The following SPECC1 variants were observed in gnomAD, a reference collection of about 807,000 sequenced individuals.
SPECC1 encodes cytospin-B.
A neutral mutation model predicts 104.1 loss-of-function variants in SPECC1; 62 were observed. That is an observed-to-expected ratio of 0.60 (90% CI 0.49 to 0.74). The LOEUF is 0.74. SPECC1 is among the 30% of genes least tolerant of loss of function. SPECC1 has a pLI of 0.00. For missense variants in SPECC1, 1,306 were observed against 1,310.5 expected (o/e 1.00, Z 0.05); for synonymous variants, 513 against 501.6 (o/e 1.02, Z -0.30).
chr17:20,217,488 A>C (rs1220520101), intron 4 of SPECC1, among the ~76,000 whole-genome samples: 1 of 152,146 alleles, frequency 6.6e-6, no homozygotes, highest in Non-Finnish European at 1.5e-5. Context: ...GGCTTTGCTC[A>C]GGGTGCTCGA....
chr17:20,201,362 G>A (rs2036422401), intron 3 of SPECC1, among the ~76,000 whole-genome samples: 1 of 151,980 alleles, frequency 6.6e-6, no homozygotes, highest in South Asian at 2.1e-4. Context: ...CGCGCCTGTA[G>A]TTCCAGCTAT....
intron 5 of SPECC1, among the ~76,000 whole-genome samples, chr17:20,228,652 C>T (rs182387463): frequency 1.6e-3 from 250 of 152,284 alleles, no homozygotes; most frequent in African/African-American, 5.7e-3. Flanking sequence ...AAACAATTCC[C>T]GCATGTGTCC....
intron 11 of SPECC1, among the ~76,000 whole-genome samples, chr17:20,259,405 A>T (rs1488391736): frequency 6.6e-6 from 1 of 152,256 alleles, no homozygotes; most frequent in African/African-American, 2.4e-5. Context: ...AAGTTAAATT[A>T]GTAAAATTCT....
In SPECC1 at chr17:20,102,647, G is replaced by A. The variant is rs549370801; in HGVS notation, c.147+5849G>A. Among the ~76,000 whole-genome samples, 9 of 152,156 alleles carry A rather than the reference G, an allele frequency of 5.9e-5. No individual in the cohort carries two copies. The East Asian group carries it at 1.7e-3, about 29-fold the overall frequency. ...GGCAGGCACACTATGCATTTTTACT[G>A]AATATTGTTCTTGGATGGATTTACC... On this transcript the variant is annotated intron_variant, in intron 2 of 14. Transcript: ENST00000395527.
intron 11 of SPECC1, among the ~76,000 whole-genome samples, chr17:20,259,494 C>A (rs1265835968): frequency 6.6e-6 from 1 of 151,940 alleles, no homozygotes; most frequent in Non-Finnish European, 1.5e-5. Flanking sequence ...TTCCAATGCA[C>A]CTTTAAAATT....
chr17:20,303,947 C>T (rs1367486378), intron 13 of SPECC1, among the ~76,000 whole-genome samples: 1 of 150,548 alleles, frequency 6.6e-6, no homozygotes, highest in Admixed American at 6.6e-5. Context: ...AGCGAGACTC[C>T]ATCTCAAAAA....
At chr17:20,026,915 G>A (rs2044622521) in intron 1 of SPECC1, among the ~76,000 whole-genome samples, 1 of 152,054 alleles carries the variant, frequency 6.6e-6, no homozygotes, top group African/African-American at 2.4e-5. Context: ...GTGTATAGGA[G>A]TTCCCCTTTC....
At chr17:20,278,598 G>C (rs182005002) in intron 12 of SPECC1, among the ~76,000 whole-genome samples, 2 of 152,196 alleles carry the variant, frequency 1.3e-5, no homozygotes, top group Non-Finnish European at 2.9e-5. Context: ...CAACACTTTG[G>C]AAGGTTGATG....
intron 3 of SPECC1, among the ~76,000 whole-genome samples, chr17:20,134,767 T>G (rs965656349): frequency 1.3e-5 from 2 of 152,140 alleles, no homozygotes; most frequent in Non-Finnish European, 2.9e-5. Flanking sequence ...CTAGAAATGC[T>G]GAAATGGGGG....
chr17:20,227,190 A>C (rs1426169615), intron 4 of SPECC1, among the ~76,000 whole-genome samples: 1 of 152,218 alleles, frequency 6.6e-6, no homozygotes, highest in Admixed American at 6.5e-5. Context: ...CTAAGAATGC[A>C]AGAAACAGCA....
intron 13 of SPECC1, 135 bp downstream of exon 13, chr17:20,297,212 G>A: frequency 3.0e-6 from 2 of 671,236 alleles, no homozygotes; most frequent in Admixed American, 2.9e-5. Flanking sequence ...GATAACTCCT[G>A]AATGTTTGAC....
intron 12 of SPECC1, among the ~76,000 whole-genome samples, chr17:20,274,948 T>C (rs978504472): frequency 6.6e-6 from 1 of 151,662 alleles, no homozygotes; most frequent in African/African-American, 2.4e-5. Context: ...TTAATAATAA[T>C]TTAATAATCA....
chr17:20,307,963 C>A (rs528098807), intron 14 of SPECC1, among the ~76,000 whole-genome samples: 22 of 152,240 alleles, frequency 1.4e-4, no homozygotes, highest in Admixed American at 1.2e-3. Context: ...AATAAAAATA[C>A]AACCTAGTAG....
chr17:20,056,879 T>C (rs1445106864), intron 1 of SPECC1, among the ~76,000 whole-genome samples: 2 of 152,200 alleles, frequency 1.3e-5, no homozygotes, highest in Non-Finnish European at 2.9e-5. Flanking sequence ...AGAGATCTTA[T>C]TGTTGGTGAT....
intron 12 of SPECC1, among the ~76,000 whole-genome samples, chr17:20,296,124 G>A (rs1422671186): frequency 1.3e-5 from 2 of 152,126 alleles, no homozygotes; most frequent in Non-Finnish European, 2.9e-5. Flanking sequence ...GTATTGCCTA[G>A]GTTTTCTTCT....
At chr17:20,218,345 G>T (rs902442416) in intron 4 of SPECC1, among the ~76,000 whole-genome samples, 1 of 151,976 alleles carries the variant, frequency 6.6e-6, no homozygotes, top group Non-Finnish European at 1.5e-5. Flanking sequence ...GGAATACAAG[G>T]CTTGATTCAC....
intron 1 of SPECC1, among the ~76,000 whole-genome samples, chr17:20,044,080 A>G (rs1161305214): frequency 6.6e-6 from 1 of 152,148 alleles, no homozygotes; most frequent in African/African-American, 2.4e-5. Flanking sequence ...TGTGCATCAT[A>G]GAATCCAAGA....
chr17:20,261,932 A>G (rs2040040104), intron 12 of SPECC1, among the ~76,000 whole-genome samples: 2 of 152,230 alleles, frequency 1.3e-5, no homozygotes, highest in South Asian at 2.1e-4. Context: ...CTTTCCCATC[A>G]TAGCCCTCAG....
At chr17:20,264,067 G>T (rs2040126476) in intron 12 of SPECC1, among the ~76,000 whole-genome samples, 1 of 152,158 alleles carries the variant, frequency 6.6e-6, no homozygotes, top group Admixed American at 6.5e-5. Flanking sequence ...AGACCTGTTT[G>T]TCTGAGACAC....
Sources: gnomAD v4.1 joint callset for allele counts (sites outside exome capture counted in the v4.1 genomes callset) on GRCh38, gnomAD v4.1.1 for gene constraint, MANE v1.5 for transcripts, NCBI Gene and HGNC (gene_info 2026-07-23, HGNC 2026-07-21) for gene names.